Variants in SDK1 observed in about 807,000 individuals in gnomAD.
The protein encoded by SDK1 is protein sidekick-1.
Under a neutral mutation model 245.5 loss-of-function variants are expected in SDK1, and 157 were observed. The observed-to-expected ratio is 0.64, with a 90% confidence interval of 0.56 to 0.73. The LOEUF (loss-of-function observed/expected upper bound fraction) is 0.73, where lower values mean the gene tolerates loss of function less well. Among genes scored for constraint, SDK1 ranks in the 30% least tolerant of loss-of-function variants. The probability of loss-of-function intolerance (pLI) is 0.00; values close to 1 mark genes in which losing one functional copy is unlikely to be tolerated. For missense variants in SDK1, 3,583 were observed against 3,002.3 expected, an observed-to-expected ratio of 1.19 and a Z score of -4.52; for synonymous variants, 1,647 against 1,278.5, an observed-to-expected ratio of 1.29 and a Z score of -6.15.
rs562618143 is a variant in SDK1 at position 4,154,550 on chromosome 7, G to A, written c.4626-3898G>A. On this transcript the variant is annotated intron_variant, in intron 30 of 44. Transcript: ENST00000404826. ...GGACAAGTGAGGGCTCCGGGGTGGG[G>A]GAGCCAGAGAAAGCTTTCGGGAAGA... 2.0e-5 allele frequency among the ~76,000 whole-genome samples: 3 copies of A among 152,222 alleles called. No individual in the cohort carries two copies. In the South Asian group the frequency reaches 6.2e-4, roughly 32 times the overall value.
At chr7:3,475,220 G>A (rs2128599944) in intron 1 of SDK1, among the ~76,000 whole-genome samples, 1 of 152,214 alleles carries the variant, frequency 6.6e-6, no homozygotes, top group Non-Finnish European at 1.5e-5. Context: ...GCTCTTTAGT[G>A]TCACTTGCTT....
chr7:3,970,651 T>C (rs1431683683), intron 11 of SDK1, among the ~76,000 whole-genome samples: 1 of 152,246 alleles, frequency 6.6e-6, no homozygotes, highest in East Asian at 1.9e-4. Flanking sequence ...TTCAACATTA[T>C]AGCGACACTA....
At chr7:3,734,402 C>A (rs1227756282) in intron 4 of SDK1, among the ~76,000 whole-genome samples, 2 of 152,024 alleles carry the variant, frequency 1.3e-5, no homozygotes, top group Non-Finnish European at 2.9e-5. Flanking sequence ...TACTTCTACC[C>A]CAAATTAATA....
intron 28 of SDK1, 86 bp downstream of exon 28, chr7:4,132,509 C>CT: frequency 1.1e-6 from 1 of 929,906 alleles, no homozygotes. Flanking sequence ...TTTGCTTGAG[C>CT]CCAGGAGTTC....
At chr7:3,609,782 C>G (rs1430532822) in intron 1 of SDK1, among the ~76,000 whole-genome samples, 2 of 145,922 alleles carry the variant, frequency 1.4e-5, no homozygotes, top group African/African-American at 5.1e-5. Flanking sequence ...CTCACTGCAA[C>G]CTTTGCCTCC....
At chr7:4,110,588 A>C in intron 22 of SDK1, 75 bp from the exon 23 acceptor site, 1 of 1,027,884 alleles carries the variant, frequency 9.7e-7, no homozygotes, top group South Asian at 1.3e-5. Flanking sequence ...AGGTACCAGC[A>C]GGTGCACATG....
chr7:3,936,610 G>A (rs371884807), intron 5 of SDK1, among the ~76,000 whole-genome samples: 36 of 152,108 alleles, frequency 2.4e-4, no homozygotes, highest in Middle Eastern at 6.8e-3. Flanking sequence ...TTTTGGAGAT[G>A]TATAGTGGTG....
intron 1 of SDK1, among the ~76,000 whole-genome samples, chr7:3,576,407 C>T (rs914982182): frequency 6.6e-6 from 1 of 152,014 alleles, no homozygotes; most frequent in Non-Finnish European, 1.5e-5. Context: ...TTAGAGAAAG[C>T]CTGTGACTTC....
chr7:4,054,483 A>G lies in SDK1; in HGVS notation c.2911+2653A>G, dbSNP rs552544233. Among the ~76,000 whole-genome samples the G allele has an allele frequency of 1.3e-3, 194 of 152,238 alleles. 2 individuals are homozygous for G. The highest frequency in any genetic ancestry group is 4.2e-3 in the African/African-American group (176 of 41,546). ...TGTTTAGTCCTGTACAGTTTGACAC[A>G]TGTGTAGGTTTGTGTATCTACCACG... is the stretch of plus-strand genomic sequence containing the variant. On this transcript the variant is annotated intron_variant, in intron 19 of 44. Coordinates refer to ENST00000404826, the MANE Select transcript of SDK1 (RefSeq NM_152744.4).
Position 3,417,822 on chromosome 7 carries a change from A to G in SDK1, c.298+115938A>G, listed in dbSNP as rs1217466086. 3.9e-5 allele frequency among the ~76,000 whole-genome samples: 6 copies of G among 152,310 alleles called. No homozygotes were observed. The South Asian group carries it at 1.2e-3, about 32-fold the overall frequency. On this transcript the variant is annotated intron_variant, in intron 1 of 44. Coordinates refer to ENST00000404826, the MANE Select transcript of SDK1 (RefSeq NM_152744.4). The stretch of plus-strand genomic sequence containing the variant: ...ATAGACTGCTGAGATATGGCATGTC[A>G]GAGTCTGAAAGGCTTCTGTCCAGTT...
intron 1 of SDK1, among the ~76,000 whole-genome samples, chr7:3,434,977 T>C (rs1052984760): frequency 8.5e-5 from 13 of 152,170 alleles, no homozygotes; most frequent in African/African-American, 2.4e-4. Flanking sequence ...TTACAACAAT[T>C]TTTGAATACT....
intron 4 of SDK1, among the ~76,000 whole-genome samples, chr7:3,784,404 T>A (rs911685913): frequency 4.5e-4 from 69 of 152,048 alleles, no homozygotes; most frequent in Non-Finnish European, 1.3e-4. Context: ...AAATATAAGA[T>A]GAGAAACTAT....
At chr7:3,557,678 G>C (rs996319934) in intron 1 of SDK1, among the ~76,000 whole-genome samples, 3 of 152,182 alleles carry the variant, frequency 2.0e-5, no homozygotes, top group African/African-American at 7.2e-5. Context: ...TGCCATTGGG[G>C]ATAACTCAGT....
intron 4 of SDK1, among the ~76,000 whole-genome samples, chr7:3,708,901 G>A (rs1451621684): frequency 6.6e-6 from 1 of 152,242 alleles, no homozygotes; most frequent in African/African-American, 2.4e-5. Context: ...TACATTCAGT[G>A]TTAATATTTA....
intron 44 of SDK1, among the ~76,000 whole-genome samples, chr7:4,246,738 C>T (rs1786887806): frequency 6.6e-6 from 1 of 152,146 alleles, no homozygotes; most frequent in Non-Finnish European, 1.5e-5. Context: ...AGCAGCTGGA[C>T]CAGGGAGATG....
intron 4 of SDK1, among the ~76,000 whole-genome samples, chr7:3,745,713 C>G (rs559275376): frequency 6.6e-6 from 1 of 152,034 alleles, no homozygotes; most frequent in Non-Finnish European, 1.5e-5. Context: ...TTGCCCCTGC[C>G]GTTTAACATT....
chr7:3,518,872 A>T (rs1031786403), intron 1 of SDK1, among the ~76,000 whole-genome samples: 1 of 152,140 alleles, frequency 6.6e-6, no homozygotes, highest in East Asian at 1.9e-4. Context: ...ACTGTTCACA[A>T]TATACAAGAT....
At chr7:3,977,803 T>G (rs919757243) in intron 13 of SDK1, among the ~76,000 whole-genome samples, 1 of 152,256 alleles carries the variant, frequency 6.6e-6, no homozygotes, top group Non-Finnish European at 1.5e-5. Context: ...GTGCCTGATG[T>G]AGTATTTGTT....
chr7:4,212,207 C>T (rs149341796), intron 38 of SDK1, among the ~76,000 whole-genome samples: 194 of 152,020 alleles, frequency 1.3e-3, no homozygotes, highest in African/African-American at 4.5e-3. Flanking sequence ...AAAATAAGCA[C>T]ATTTAGATGA....
Sources: gnomAD v4.1 joint callset for allele counts (sites outside exome capture counted in the v4.1 genomes callset) on GRCh38, gnomAD v4.1.1 for gene constraint, MANE v1.5 for transcripts, NCBI Gene and HGNC (gene_info 2026-07-23, HGNC 2026-07-21) for gene names.